Variants in ADAMTSL1 observed in about 807,000 individuals in gnomAD.
The protein encoded by ADAMTSL1 is ADAMTS like 1, also known as ADAMTS-like protein 1.
In ADAMTSL1, 126 loss-of-function variants were observed where a neutral mutation model predicts 201.8. The ratio of observed to expected loss-of-function variants is 0.62; its 90% CI spans 0.54 to 0.72. The LOEUF (loss-of-function observed/expected upper bound fraction) is 0.72. Among genes scored for constraint, ADAMTSL1 ranks in the 30% least tolerant of loss-of-function variants. ADAMTSL1 has a pLI of 0.00. For synonymous variants in ADAMTSL1, 1,121 were observed against 903.4 expected (o/e 1.24, Z -4.32); for missense variants, 2,679 against 2,277.8 (o/e 1.18, Z -3.59).
intron 15 of ADAMTSL1, 43 bp downstream of exon 15, chr9:18,721,708 A>C: frequency 6.3e-7 from 1 of 1,592,476 alleles, no homozygotes; most frequent in Non-Finnish European, 8.6e-7. Flanking sequence ...GGGCACGTAC[A>C]GAACTGGGCG....
At chr9:17,959,697 C>T (rs1817656079) in intron 1 of ADAMTSL1, among the ~76,000 whole-genome samples, 1 of 152,150 alleles carries the variant, frequency 6.6e-6, no homozygotes, top group African/African-American at 2.4e-5. Flanking sequence ...CTCAAGTGAT[C>T]CACCCACCTT....
At chr9:18,145,518 T>G (rs577422386) in intron 1 of ADAMTSL1, among the ~76,000 whole-genome samples, 1 of 152,192 alleles carries the variant, frequency 6.6e-6, no homozygotes, top group African/African-American at 2.4e-5. Flanking sequence ...TAAAATTGCA[T>G]GATTATGGTG....
At chr9:18,669,489 T>C (rs964147611) in intron 9 of ADAMTSL1, among the ~76,000 whole-genome samples, 1 of 152,230 alleles carries the variant, frequency 6.6e-6, no homozygotes, top group Admixed American at 6.5e-5. Flanking sequence ...CAGACTCCTT[T>C]TGATCTGATT....
intron 19 of ADAMTSL1, among the ~76,000 whole-genome samples, chr9:18,785,228 CT>C (rs1441015500): frequency 6.6e-6 from 1 of 151,792 alleles, no homozygotes; most frequent in Non-Finnish European, 1.5e-5. Context: ...GGAACTATTT[CT>C]TTTTATTGAT....
At position 18,709,704 on chromosome 9, in the gene ADAMTSL1, C is replaced by CTTG. The variant is rs148137506; in HGVS notation, c.1876+2659_1876+2661dup. ...GTATCCTGTGTCCAACTGTCACTTC[C>CTTG]TTGTTAGATTTTAATTTCCCACATG... On this transcript the variant is annotated intron_variant, in intron 14 of 28. Transcript: ENST00000380548. Among the ~76,000 whole-genome samples the CTTG allele has an allele frequency of 4.5e-3, 684 of 152,282 alleles. 8 individuals carry two copies. Among genetic ancestry groups the CTTG allele is most frequent in the African/African-American group, 0.016 (652 of 41,552 alleles).
In ADAMTSL1 at chr9:18,707,093, C is replaced by T. The variant is rs565986653; in HGVS notation, c.1876+45C>T. 77 of 1,578,444 alleles carry T rather than the reference C, an allele frequency of 4.9e-5. No individual in the cohort carries two copies. The South Asian group carries it at 8.6e-4, about 18-fold the overall frequency. ...CTCAGATCCCCGCCATCTTCTTGCT[C>T]ATTTTCTCTCTCTGCATGCAGCTGG... On this transcript the variant is annotated intron_variant, in intron 14 of 28. Transcript: ENST00000380548.
intron 9 of ADAMTSL1, among the ~76,000 whole-genome samples, chr9:18,672,677 G>A (rs1441109069): frequency 6.6e-6 from 1 of 152,036 alleles, no homozygotes; most frequent in Non-Finnish European, 1.5e-5. Context: ...TTACATTTGA[G>A]CATTTTTCCA....
In ADAMTSL1 at chr9:18,776,809, C is replaced by T; in HGVS notation, c.2580C>T (p.Ser860=). The T allele has an allele frequency of 6.4e-7, 1 of 1,562,152 alleles. No individual in the cohort carries two copies. Among genetic ancestry groups the T allele is most frequent in the Non-Finnish European group, 8.7e-7 (1 of 1,153,964 alleles). ...CCGGGCGGCCATCCACGAAGCACAG[C>T]CCGCACATCGCGGCCGCCAGGAAGG... ...ARPGRPSTKH[S]PHIAAARKVY... The change falls in exon 19 of 29, where the codon AGC becomes AGT. Residue 860 remains serine, a synonymous_variant. Transcript: ENST00000380548.
At chr9:18,314,808 T>G (rs1458086460) in intron 2 of ADAMTSL1, among the ~76,000 whole-genome samples, 1 of 121,532 alleles carries the variant, frequency 8.2e-6, no homozygotes, top group African/African-American at 3.0e-5. Context: ...TTTTTTTTTT[T>G]TTTTTTGAGA....
chr9:18,442,411 G>T (rs1204618985), intron 2 of ADAMTSL1, among the ~76,000 whole-genome samples: 3 of 152,184 alleles, frequency 2.0e-5, no homozygotes, highest in South Asian at 2.1e-4. Flanking sequence ...GACTTGTAAA[G>T]GTTAAGTCGT....
chr9:18,626,854 T>A (rs1826397250), intron 5 of ADAMTSL1, among the ~76,000 whole-genome samples: 7 of 133,550 alleles, frequency 5.2e-5, no homozygotes, highest in Admixed American at 4.4e-4. Flanking sequence ...TTTCTTTCTT[T>A]CTTTCTTTCT....
At chr9:18,178,468 C>T (rs991326863) in intron 2 of ADAMTSL1, among the ~76,000 whole-genome samples, 1 of 152,076 alleles carries the variant, frequency 6.6e-6, no homozygotes, top group East Asian at 1.9e-4. Context: ...CCGCCATTGC[C>T]CAGGCTTGCT....
Position 18,300,967 on chromosome 9 carries a change from T to A in ADAMTSL1, c.207+136986T>A, listed in dbSNP as rs1487742940. ...AAATTGCCTATAGGTTCAAAAAAAT[T>A]GAGCAGGCAAAAAAATGTACAATTA... On this transcript the variant is annotated intron_variant, in intron 2 of 29. Transcript: ENST00000680146. Among the ~76,000 whole-genome samples the A allele has an allele frequency of 2.0e-5, 3 of 152,272 alleles. No homozygotes were observed. In the East Asian group the frequency reaches 5.8e-4, roughly 29 times the overall value.
intron 23 of ADAMTSL1, among the ~76,000 whole-genome samples, chr9:18,869,743 T>C (rs1035655541): frequency 4.6e-5 from 7 of 152,206 alleles, no homozygotes; most frequent in African/African-American, 1.7e-4. Flanking sequence ...TGGCTTTCAA[T>C]ATTTTTTCTT....
At chr9:17,989,002 C>T (rs1819038588) in intron 1 of ADAMTSL1, among the ~76,000 whole-genome samples, 1 of 151,872 alleles carries the variant, frequency 6.6e-6, no homozygotes, top group Non-Finnish European at 1.5e-5. Context: ...TTTTCACATA[C>T]TTCCAAGAAC....
At chr9:18,692,212 A>G (rs906572713) in intron 13 of ADAMTSL1, among the ~76,000 whole-genome samples, 4 of 152,222 alleles carry the variant, frequency 2.6e-5, no homozygotes, top group African/African-American at 7.2e-5. Flanking sequence ...AAAGAGATTT[A>G]TGAGTAATTA....
At chr9:18,102,317 TTAATA>T (rs1391269106) in intron 1 of ADAMTSL1, among the ~76,000 whole-genome samples, 1 of 152,218 alleles carries the variant, frequency 6.6e-6, no homozygotes, top group Non-Finnish European at 1.5e-5. Context: ...GTCTATGTGC[TTAATA>T]TAAAAGTCTG....
At chr9:18,013,300 A>G (rs1820129391) in intron 1 of ADAMTSL1, among the ~76,000 whole-genome samples, 1 of 152,036 alleles carries the variant, frequency 6.6e-6, no homozygotes, top group South Asian at 2.1e-4. Flanking sequence ...CTTCTGCCCA[A>G]GTCTTTGGAC....
At chr9:18,336,121 T>C (rs1054043984) in intron 2 of ADAMTSL1, among the ~76,000 whole-genome samples, 4 of 152,164 alleles carry the variant, frequency 2.6e-5, no homozygotes, top group Admixed American at 1.3e-4. Flanking sequence ...CCAAAACTTA[T>C]GCCATTGAGT....
Sources: allele counts gnomAD v4.1 joint callset (sites outside exome capture counted in the v4.1 genomes callset), GRCh38; gene constraint gnomAD v4.1.1; transcripts MANE v1.5; gene names NCBI Gene and HGNC (gene_info 2026-07-23, HGNC 2026-07-21).